Variants in PPARG observed in about 807,000 individuals in gnomAD.
The protein encoded by PPARG is peroxisome proliferator-activated receptor gamma.
A neutral mutation model predicts 39.2 loss-of-function variants in PPARG; 17 were observed. The ratio of observed to expected loss-of-function variants is 0.43; its 90% CI spans 0.30 to 0.65. The LOEUF (loss-of-function observed/expected upper bound fraction) is 0.65, where lower values mean the gene tolerates loss of function less well. Ranked by LOEUF, PPARG falls within the 30% of genes least tolerant of loss-of-function variation. PPARG has a pLI of 0.13. For synonymous variants in PPARG, 223 were observed against 215.7 expected (o/e 1.03, Z -0.30); for missense variants, 406 against 585.9 (o/e 0.69, Z 3.17).
chr3:12,404,197 T>G (rs951473826), intron 5 of PPARG, among the ~76,000 whole-genome samples: 1 of 152,164 alleles, frequency 6.6e-6, no homozygotes. Context: ...CAAGGATATA[T>G]TCACTAAAAG....
chr3:12,291,820 A>G (rs960451053), intron 1 of PPARG, among the ~76,000 whole-genome samples: 2 of 152,314 alleles, frequency 1.3e-5, no homozygotes, highest in Middle Eastern at 3.4e-3. Flanking sequence ...AACTGTTTCA[A>G]TTATTATGGC....
At chr3:12,397,382 T>G (rs1307779308) in intron 5 of PPARG, among the ~76,000 whole-genome samples, 40 of 15,946 alleles carry the variant, frequency 2.5e-3, no homozygotes, top group Admixed American at 4.7e-3. Flanking sequence ...TTCCTTTTTA[T>G]TATTATTATT....
intron 5 of PPARG, among the ~76,000 whole-genome samples, chr3:12,396,819 A>G (rs1192829176): frequency 2.6e-5 from 4 of 151,662 alleles, no homozygotes; most frequent in Non-Finnish European, 5.9e-5. Flanking sequence ...GCTCTTTTTA[A>G]TGTATGAACT....
intron 2 of PPARG, among the ~76,000 whole-genome samples, chr3:12,339,947 T>A (rs539019526): frequency 6.6e-6 from 1 of 152,362 alleles, no homozygotes; most frequent in Non-Finnish European, 1.5e-5. Context: ...GTCTTTCAGG[T>A]ACACAGTTCT....
intron 2 of PPARG, among the ~76,000 whole-genome samples, chr3:12,375,618 C>T (rs2049378250): frequency 6.6e-6 from 1 of 152,094 alleles, no homozygotes; most frequent in Non-Finnish European, 1.5e-5. Context: ...AAAATTAAGC[C>T]TGCCAAGGAG....
intron 2 of PPARG, among the ~76,000 whole-genome samples, chr3:12,367,667 A>G (rs1219593673): frequency 6.6e-6 from 1 of 151,698 alleles, no homozygotes; most frequent in African/African-American, 2.4e-5. Context: ...TGGGCAACAT[A>G]ATGATACCTT....
At chr3:12,350,121 G>A (rs1465164421) in intron 2 of PPARG, among the ~76,000 whole-genome samples, 1 of 152,152 alleles carries the variant, frequency 6.6e-6, no homozygotes, top group Admixed American at 6.5e-5. Context: ...AAATTTCCAA[G>A]CATGGGGAGG....
intron 5 of PPARG, among the ~76,000 whole-genome samples, chr3:12,396,704 G>T (rs1346387427): frequency 4.7e-5 from 7 of 147,752 alleles, no homozygotes; most frequent in Non-Finnish European, 8.9e-5. Context: ...GTTGCAGTGA[G>T]CCATGATTGC....
At chr3:12,319,444 T>G (rs2047477991) in intron 2 of PPARG, among the ~76,000 whole-genome samples, 1 of 152,190 alleles carries the variant, frequency 6.6e-6, no homozygotes, top group African/African-American at 2.4e-5. Flanking sequence ...AAAATTGAAG[T>G]ACTTTTATAT....
intron 7 of PPARG, among the ~76,000 whole-genome samples, chr3:12,430,332 C>T (rs921924358): frequency 2.0e-5 from 3 of 152,230 alleles, no homozygotes; most frequent in African/African-American, 7.2e-5. Flanking sequence ...TGTGTTTCCA[C>T]TGGTGGTTCA....
At chr3:12,337,776 A>G (rs1474546501) in intron 2 of PPARG, among the ~76,000 whole-genome samples, 1 of 152,238 alleles carries the variant, frequency 6.6e-6, no homozygotes, top group Non-Finnish European at 1.5e-5. Flanking sequence ...AAAATAAATA[A>G]AAATAGCAAT....
intron 1 of PPARG, among the ~76,000 whole-genome samples, chr3:12,294,674 C>T (rs2046732884): frequency 6.6e-6 from 1 of 152,200 alleles, no homozygotes; most frequent in Admixed American, 6.5e-5. Context: ...GCAGAAGGAT[C>T]ACCTGAGGTC....
At chr3:12,298,289 ACT>A (rs1401588716) in intron 1 of PPARG, among the ~76,000 whole-genome samples, 21 of 104,326 alleles carry the variant, frequency 2.0e-4, no homozygotes, top group African/African-American at 2.0e-4. Flanking sequence ...ACAGAGCGAG[ACT>A]CTGTCTCAAA....
rs200776552 is a variant in PPARG at position 12,434,052 on chromosome 3, G to A, written c.1335G>A (p.Thr445=). ...QKMTDLRQIV[T]EHVQLLQVIK... is the part of the protein sequence containing the mutation. ...TGACAGACCTCAGACAGATTGTCAC[G>A]GAACACGTGCAGCTACTGCAGGTGA... The change falls in exon 8 of 8, where the codon ACG becomes ACA. Residue 445 remains threonine (T), a synonymous_variant. Transcript: ENST00000651735. The surrounding 1 kb of genome is among the most constrained non-coding windows in gnomAD (Gnocchi z 4.2). The A allele has an allele frequency of 2.5e-4, 411 of 1,614,144 alleles. 1 individual carries two copies. The highest frequency in any genetic ancestry group is 6.6e-4 in the Middle Eastern group (4 of 6,062).
intron 2 of PPARG, among the ~76,000 whole-genome samples, chr3:12,332,423 C>T (rs2047888017): frequency 6.6e-6 from 1 of 152,158 alleles, no homozygotes; most frequent in Non-Finnish European, 1.5e-5. Flanking sequence ...CTGGAAGCTG[C>T]TTTTAAAAAT....
intron 2 of PPARG, among the ~76,000 whole-genome samples, chr3:12,352,578 T>A (rs965193757): frequency 6.6e-6 from 1 of 152,224 alleles, no homozygotes; most frequent in African/African-American, 2.4e-5. Context: ...AAAAATAGAT[T>A]GTTAGCTAGT....
chr3:12,410,280 T>C (rs560049373), intron 6 of PPARG, among the ~76,000 whole-genome samples: 1 of 152,322 alleles, frequency 6.6e-6, no homozygotes, highest in African/African-American at 2.4e-5. Flanking sequence ...AGGTGCTCTG[T>C]TTCATGAAGG....
In PPARG at chr3:12,405,766, A is replaced by G. The variant is rs950493250; in HGVS notation, c.530-116A>G. 3 of 1,019,460 alleles carry G rather than the reference A, an allele frequency of 2.9e-6. No homozygotes were observed. In the African/African-American group the frequency reaches 4.7e-5, roughly 16 times the overall value. 63.2% of individuals were successfully genotyped at this position (1,019,460 alleles called of 1,614,324 possible). A position where few individuals can be genotyped will look rare whatever the true frequency, so the allele number is the denominator to read the frequency against. ...AGTGGTAGACAGAAACCAGGACTCAAGAGCAGTGGAGGAGGAGGGCTTCTA... is the reference window on the plus strand; with the variant it reads ...AGTGGTAGACAGAAACCAGGACTCAGGAGCAGTGGAGGAGGAGGGCTTCTA... On this transcript the variant is annotated intron_variant, in intron 5 of 7. Coordinates refer to ENST00000651735, the MANE Select transcript of PPARG (RefSeq NM_138711.6).
intron 2 of PPARG, among the ~76,000 whole-genome samples, chr3:12,371,181 A>T (rs2049197271): frequency 6.6e-6 from 1 of 152,160 alleles, no homozygotes; most frequent in Non-Finnish European, 1.5e-5. Context: ...TAATCCTCAC[A>T]ACAACTCTAG....
Sources: gnomAD v4.1 joint callset for allele counts (sites outside exome capture counted in the v4.1 genomes callset) on GRCh38, gnomAD v4.1.1 for gene constraint, Gnocchi (gnomAD v3.1) non-coding constraint, MANE v1.5 for transcripts, NCBI Gene and HGNC (gene_info 2026-07-23, HGNC 2026-07-21) for gene names.